CGRRF1: variants seen among roughly 807,000 people sequenced by gnomAD.
CGRRF1 encodes cell growth regulator with RING finger domain protein 1.
Under a neutral mutation model 37.2 loss-of-function variants are expected in CGRRF1, and 32 were observed. That is an observed-to-expected ratio of 0.86 (90% CI 0.65 to 1.16). CGRRF1 has a LOEUF of 1.16. Among genes scored for constraint, CGRRF1 ranks in the 50% most tolerant of loss-of-function variants. The pLI is 0.00. For synonymous variants in CGRRF1, 141 were observed against 140.3 expected (o/e 1.00, Z -0.04); for missense variants, 391 against 382.6 (o/e 1.02, Z -0.18).
chr14:54,529,223 A>G (rs993616951), intron 2 of CGRRF1, among the ~76,000 whole-genome samples: 2 of 152,216 alleles, frequency 1.3e-5, no homozygotes, highest in Non-Finnish European at 2.9e-5. Context: ...CACCCCCAGC[A>G]GTATGAAAGG....
chr14:54,530,786 C>T, intron 3 of CGRRF1, 117 bp from the exon 4 acceptor site: 1 of 933,516 alleles, frequency 1.1e-6, no homozygotes. Flanking sequence ...CTGATATACC[C>T]ATTAGCACTG....
At chr14:54,510,921 A>C (rs2032119294) in intron 1 of CGRRF1, among the ~76,000 whole-genome samples, 1 of 152,262 alleles carries the variant, frequency 6.6e-6, no homozygotes, top group Admixed American at 6.5e-5. Context: ...CAGCAGTTCT[A>C]AGTGGATAAC....
At chr14:54,516,804 C>T (rs2032225619) in intron 1 of CGRRF1, among the ~76,000 whole-genome samples, 1 of 152,170 alleles carries the variant, frequency 6.6e-6, no homozygotes, top group South Asian at 2.1e-4. Flanking sequence ...ACATGGCTGA[C>T]TAAAAGTTGG....
intron 4 of CGRRF1, among the ~76,000 whole-genome samples, chr14:54,533,504 T>C (rs2032552777): frequency 6.6e-6 from 1 of 152,196 alleles, no homozygotes; most frequent in African/African-American, 2.4e-5. Context: ...CACTCAAATA[T>C]ATTTATTAGT....
intron 1 of CGRRF1, among the ~76,000 whole-genome samples, chr14:54,512,710 A>G (rs1357569989): frequency 6.6e-6 from 1 of 152,214 alleles, no homozygotes; most frequent in East Asian, 1.9e-4. Context: ...TTGCCACAAT[A>G]GTGCCTCACT....
intron 4 of CGRRF1, 147 bp downstream of exon 4, chr14:54,531,197 T>A: frequency 1.6e-6 from 1 of 613,962 alleles, no homozygotes; most frequent in Non-Finnish European, 2.8e-6. Context: ...GGTTTTTATA[T>A]GTGAAACAGT....
At chr14:54,528,743 G>A (rs534579538) in intron 2 of CGRRF1, among the ~76,000 whole-genome samples, 10 of 152,184 alleles carry the variant, frequency 6.6e-5, no homozygotes, top group African/African-American at 2.2e-4. Context: ...CTGATGATTG[G>A]AATCATAAAA....
At chr14:54,510,124 G>C (rs986941449) in intron 1 of CGRRF1, 61 bp downstream of exon 1, 9 of 1,272,062 alleles carry the variant, frequency 7.1e-6, no homozygotes, top group Non-Finnish European at 9.1e-6. Context: ...GTCGCGACGA[G>C]CAGCAGGGGG....
chr14:54,520,248 G>A (rs1429628582), intron 1 of CGRRF1, among the ~76,000 whole-genome samples: 5 of 151,850 alleles, frequency 3.3e-5, no homozygotes, highest in African/African-American at 9.7e-5. Flanking sequence ...AGCTGGGACT[G>A]CAGGCGCCCA....
At chr14:54,538,007 T>A in intron 5 of CGRRF1, 56 bp from the exon 6 acceptor site, 1 of 1,461,022 alleles carries the variant, frequency 6.8e-7, no homozygotes, top group Non-Finnish European at 9.1e-7. Context: ...GACCCCCAAT[T>A]TTAAAGAGTA....
chr14:54,533,054 C>T (rs1479747142), intron 4 of CGRRF1, among the ~76,000 whole-genome samples: 1 of 151,832 alleles, frequency 6.6e-6, no homozygotes, highest in Non-Finnish European at 1.5e-5. Flanking sequence ...CCATTGCATT[C>T]CTTTTCCCTT....
chr14:54,528,438 AC>A (rs1220273473), intron 2 of CGRRF1, among the ~76,000 whole-genome samples: 4 of 152,218 alleles, frequency 2.6e-5, no homozygotes, highest in African/African-American at 7.2e-5. Flanking sequence ...GTAGCCTTAT[AC>A]ATATATCTTT....
intron 2 of CGRRF1, among the ~76,000 whole-genome samples, chr14:54,525,012 A>G (rs969554602): frequency 7.2e-5 from 11 of 152,084 alleles, no homozygotes; most frequent in African/African-American, 2.4e-4. Flanking sequence ...ACACCACTTC[A>G]CTTCAGCCTG....
intron 4 of CGRRF1, chr14:54,537,067 G>GT (rs1735858114): frequency 6.6e-6 from 1 of 151,822 alleles, no homozygotes; most frequent in Admixed American, 6.6e-5. Flanking sequence ...TCCCAATACT[G>GT]TTTATTAAAA....
At chr14:54,512,624 A>G (rs2032148009) in intron 1 of CGRRF1, among the ~76,000 whole-genome samples, 2 of 152,216 alleles carry the variant, frequency 1.3e-5, no homozygotes, top group Non-Finnish European at 2.9e-5. Flanking sequence ...TTTGCCAACA[A>G]GGGAGGGAGA....
At chr14:54,519,480 GGCTCAA>G (rs2140057090) in intron 1 of CGRRF1, among the ~76,000 whole-genome samples, 1 of 151,144 alleles carries the variant, frequency 6.6e-6, no homozygotes, top group Non-Finnish European at 1.5e-5. Context: ...CGAACTCCTG[GGCTCAA>G]GCATTCCTCC....
chr14:54,535,780 C>T (rs1198618508), intron 4 of CGRRF1, among the ~76,000 whole-genome samples: 3 of 152,284 alleles, frequency 2.0e-5, no homozygotes, highest in East Asian at 1.9e-4. Flanking sequence ...TCCCTCCAGT[C>T]GGTTCTTGGC....
chr14:54,522,465 A>G lies in CGRRF1; in HGVS notation c.116A>G (p.Asp39Gly), dbSNP rs1566509003. 1.3e-6 allele frequency: 2 copies of G among 1,567,576 alleles called. No homozygotes were observed. The highest frequency in any genetic ancestry group is 1.2e-5 in the South Asian group (1 of 82,072). The change falls in exon 2 of 6, where the codon GAT (aspartate) becomes GGT (glycine). Residue 39 changes from aspartate to glycine, a missense_variant. By Grantham distance (94) the Asp-to-Gly change is moderately conservative (BLOSUM62 -1). Transcript: ENST00000216420. ...TTACCTTTTTTTAGGTTTGGTTGGG[A>G]TGTTCCAGTAATTCTGAGAAATTCA... ...TGLVLGWFGW[D>G]VPVILRNSEE... is the part of the protein sequence containing the mutation.
Position 54,530,946 on chromosome 14 carries a change from A to C in CGRRF1, c.466A>C (p.Arg156=), listed in dbSNP as rs1269541460. The C allele has an allele frequency of 2.5e-6, 4 of 1,598,960 alleles. No individual in the cohort carries two copies. Among genetic ancestry groups the C allele is most frequent in the Admixed American group, 3.3e-5 (2 of 59,938 alleles). The change falls in exon 4 of 6, where the codon AGA becomes CGA. Residue 156 remains arginine (R), a synonymous_variant. Coordinates refer to ENST00000216420, the MANE Select transcript of CGRRF1 (RefSeq NM_006568.3). ...SKEEIYCQLP[R]DTKIEDFGTV... The stretch of plus-strand genomic sequence containing the variant: ...AGAAGAAATATATTGCCAGTTACCA[A>C]GAGATACTAAAATTGAAGACTTTGG...
Sources: gnomAD v4.1 joint callset for allele counts (sites outside exome capture counted in the v4.1 genomes callset) on GRCh38, gnomAD v4.1.1 for gene constraint, MANE v1.5 for transcripts, NCBI Gene and HGNC (gene_info 2026-07-23, HGNC 2026-07-21) for gene names.